RBFOX1: variants seen among roughly 807,000 people sequenced by gnomAD.
The protein encoded by RBFOX1 is RNA binding protein fox-1 homolog 1.
RBFOX1 carries 8 observed loss-of-function variants against 57.7 expected under a neutral mutation model. That is an observed-to-expected ratio of 0.14 (90% CI 0.08 to 0.25). The LOEUF (loss-of-function observed/expected upper bound fraction) is 0.25, where lower values mean the gene tolerates loss of function less well. Ranked by LOEUF, RBFOX1 falls within the 10% of genes least tolerant of loss-of-function variation. The pLI is 1.00. For synonymous variants in RBFOX1, 326 were observed against 222.4 expected, an observed-to-expected ratio of 1.47 and a Z score of -4.15; for missense variants, 611 against 548.5, an observed-to-expected ratio of 1.11 and a Z score of -1.14.
chr16:5,431,575 A>G (rs982437163), intron 1 of RBFOX1, among the ~76,000 whole-genome samples: 3 of 152,006 alleles, frequency 2.0e-5, no homozygotes, highest in African/African-American at 7.2e-5. Context: ...GGGTTTCACC[A>G]TGTTGGCCAG....
At chr16:7,338,142 T>G (rs2096827874) in intron 4 of RBFOX1, among the ~76,000 whole-genome samples, 2 of 152,232 alleles carry the variant, frequency 1.3e-5, no homozygotes, top group Non-Finnish European at 2.9e-5. Context: ...GCTGCACCTA[T>G]TAACCCATCA....
At chr16:6,588,790 C>T (rs1287976890) in intron 2 of RBFOX1, among the ~76,000 whole-genome samples, 1 of 152,208 alleles carries the variant, frequency 6.6e-6, no homozygotes, top group Admixed American at 6.5e-5. Context: ...CCCTGTCATT[C>T]AGTTCAACTT....
chr16:5,614,292 C>T (rs1294104963), intron 3 of RBFOX1, among the ~76,000 whole-genome samples: 1 of 152,040 alleles, frequency 6.6e-6, no homozygotes. Context: ...CTTCATTTCC[C>T]CCTAGGTCTC....
chr16:6,736,904 G>A (rs1303669301), intron 3 of RBFOX1, among the ~76,000 whole-genome samples: 1 of 152,190 alleles, frequency 6.6e-6, no homozygotes, highest in Non-Finnish European at 1.5e-5. Flanking sequence ...AGACTTAGCA[G>A]GGAGGAGTGC....
At chr16:7,653,634 C>T (rs1343392264) in intron 11 of RBFOX1, among the ~76,000 whole-genome samples, 181 bp from the exon 12 acceptor site, 1 of 152,220 alleles carries the variant, frequency 6.6e-6, no homozygotes, top group Non-Finnish European at 1.5e-5. Context: ...CTCATCCTCT[C>T]TGGAGTCCCA....
chr16:7,393,372 TTTTC>T (rs530933942), intron 4 of RBFOX1, among the ~76,000 whole-genome samples: 9 of 152,162 alleles, frequency 5.9e-5, no homozygotes, highest in Non-Finnish European at 1.3e-4. Context: ...AATCCACAAG[TTTTC>T]TTTGGTATCT....
intron 4 of RBFOX1, among the ~76,000 whole-genome samples, chr16:7,422,380 G>A (rs542051176): frequency 2.6e-5 from 4 of 152,084 alleles, no homozygotes; most frequent in Non-Finnish European, 5.9e-5. Context: ...GCAAGCAATC[G>A]GAGGTAATAA....
chr16:6,545,657 G>C (rs1260457175), intron 2 of RBFOX1, among the ~76,000 whole-genome samples: 1 of 152,218 alleles, frequency 6.6e-6, no homozygotes. Context: ...TGCTTGTTAA[G>C]TTACTCACCA....
upstream of RBFOX1, among the ~76,000 whole-genome samples, chr16:6,014,197 T>C (rs566586752): frequency 5.3e-5 from 8 of 152,260 alleles, no homozygotes; most frequent in East Asian, 1.6e-3. Context: ...AGAGCTTATA[T>C]AGTAAATACC....
At chr16:5,995,931 C>T (rs1567234118) in intron 4 of RBFOX1, among the ~76,000 whole-genome samples, 1 of 152,144 alleles carries the variant, frequency 6.6e-6, no homozygotes, top group Non-Finnish European at 1.5e-5. Flanking sequence ...CTGAGGCAGT[C>T]TCCAAGATTG....
chr16:7,633,151 T>C (rs2061252553), intron 11 of RBFOX1, among the ~76,000 whole-genome samples: 2 of 152,138 alleles, frequency 1.3e-5, no homozygotes, highest in Non-Finnish European at 2.9e-5. Context: ...AAACAAAGAA[T>C]GTGCCAGAGA....
Position 7,315,667 on chromosome 16 carries a change from T to TATATATATATATATATAA in RBFOX1, c.28-202480_28-202479insATATATATATATATATAA, listed in dbSNP as rs1568172968. Among the ~76,000 whole-genome samples the TATATATATATATATATAA allele has an allele frequency of 2.9e-3, 418 of 143,594 alleles. 1 individual carries two copies. The highest frequency in any genetic ancestry group is 1.0e-2 in the African/African-American group (388 of 38,878). The allele number at this position is 143,594 out of a possible 152,430, so 94.2% of individuals were successfully genotyped here. A position where few individuals can be genotyped will look rare whatever the true frequency, so the allele number is the denominator to read the frequency against. ...AACAGAATATATATATATATATATA[T>TATATATATATATATATAA]GGAACATTACACACACTTTTCATCA... On this transcript the variant is annotated intron_variant, in intron 4 of 15. Coordinates refer to ENST00000550418, the MANE Select transcript of RBFOX1 (RefSeq NM_018723.4).
chr16:6,970,925 C>G (rs1299432739), intron 3 of RBFOX1, among the ~76,000 whole-genome samples: 2 of 152,182 alleles, frequency 1.3e-5, no homozygotes, highest in African/African-American at 2.4e-5. Flanking sequence ...TTCCATTTGT[C>G]TGAAACACAT....
At chr16:7,420,920 T>C (rs1439327349) in intron 4 of RBFOX1, among the ~76,000 whole-genome samples, 3 of 146,430 alleles carry the variant, frequency 2.0e-5, no homozygotes, top group Non-Finnish European at 3.0e-5. Flanking sequence ...TACATATATA[T>C]ATATACACAT....
At chr16:7,550,272 T>C (rs1172920089) in intron 5 of RBFOX1, among the ~76,000 whole-genome samples, 1 of 151,122 alleles carries the variant, frequency 6.6e-6, no homozygotes, top group Non-Finnish European at 1.5e-5. Context: ...TTGGCTGGGC[T>C]GGGAAATACC....
At chr16:6,707,651 G>A (rs2063000783) in intron 3 of RBFOX1, among the ~76,000 whole-genome samples, 2 of 152,012 alleles carry the variant, frequency 1.3e-5, no homozygotes, top group Admixed American at 1.3e-4. Context: ...TCTCCAGAAA[G>A]GAAGGGCATG....
In RBFOX1 at chr16:6,711,276, C is replaced by T. The variant is rs143980282; in HGVS notation, c.-16+56626C>T. Among the ~76,000 whole-genome samples, 383 of 152,210 alleles carry T rather than the reference C, an allele frequency of 2.5e-3. 3 individuals carry two copies. Among genetic ancestry groups the T allele is most frequent in the African/African-American group, 8.4e-3 (348 of 41,544 alleles). On this transcript the variant is annotated intron_variant, in intron 3 of 15. Coordinates refer to ENST00000550418, the MANE Select transcript of RBFOX1 (RefSeq NM_018723.4). ...TTTCACTGTTTTGTCTCCACACGCC[C>T]CTCCCCCCATGGCTTCTGTCTCACT...
chr16:7,021,257 G>A (rs1401010377), intron 3 of RBFOX1, among the ~76,000 whole-genome samples: 1 of 149,992 alleles, frequency 6.7e-6, no homozygotes, highest in African/African-American at 2.5e-5. Context: ...CACCTCATTT[G>A]GTTACTACTT....
rs569973143 is a variant in RBFOX1, at chr16:7,657,187, C to T, written c.890+3240C>T. ...CCTCCTGGGAGATTGAAGAAAATAT[C>T]CTTTAGGATCTCCATGGCTACCTTT... is the stretch of plus-strand genomic sequence containing the variant. On this transcript the variant is annotated intron_variant, in intron 12 of 15. Transcript: ENST00000550418. Among the ~76,000 whole-genome samples, 40 of 152,282 alleles carry T rather than the reference C, an allele frequency of 2.6e-4. 1 individual carries two copies. Among genetic ancestry groups the T allele is most frequent in the African/African-American group, 9.6e-4 (40 of 41,558 alleles).
Sources: gnomAD v4.1 joint callset for allele counts (sites outside exome capture counted in the v4.1 genomes callset) on GRCh38, gnomAD v4.1.1 for gene constraint, MANE v1.5 for transcripts, NCBI Gene and HGNC (gene_info 2026-07-23, HGNC 2026-07-21) for gene names.